Variants in CDH13 observed in about 807,000 individuals in gnomAD.
CDH13 encodes cadherin 13.
In CDH13, 24 loss-of-function variants were observed where a neutral mutation model predicts 63.8. The observed-to-expected ratio is 0.38, with a 90% CI of 0.27 to 0.53. CDH13 has a LOEUF of 0.53. Ranked by LOEUF, CDH13 falls within the 20% of genes least tolerant of loss-of-function variation. The pLI, the probability that CDH13 is intolerant of heterozygous loss-of-function variation, is 0.85. For synonymous variants in CDH13, 503 were observed against 355.3 expected (o/e 1.42, Z -4.67); for missense variants, 1,049 against 903.1 (o/e 1.16, Z -2.07).
At chr16:83,241,652 G>A (rs185849489) in intron 5 of CDH13, among the ~76,000 whole-genome samples, 4 of 152,194 alleles carry the variant, frequency 2.6e-5, no homozygotes, top group South Asian at 2.1e-4. Context: ...ATCTATTCAG[G>A]CCCCTTGCCC....
rs1450993154 is a variant in CDH13 at position 83,540,672 on chromosome 16, G to C, written c.960+54017G>C. 2.6e-5 allele frequency among the ~76,000 whole-genome samples: 4 copies of C among 152,206 alleles called. No individual in the cohort carries two copies. The East Asian group carries it at 7.7e-4, about 29-fold the overall frequency. ...AACTGTCCTAATGACATCTCAAGTAGTAACTGTTGTCATGATGGTCTCAAG... is the reference window on the plus strand; with the variant it reads ...AACTGTCCTAATGACATCTCAAGTACTAACTGTTGTCATGATGGTCTCAAG... On this transcript the variant is annotated intron_variant, in intron 7 of 13. Transcript: ENST00000567109.
chr16:83,379,426 G>A (rs989740441), intron 6 of CDH13, among the ~76,000 whole-genome samples: 10 of 152,150 alleles, frequency 6.6e-5, no homozygotes, highest in African/African-American at 2.4e-4. Context: ...TGGATGGTAA[G>A]GTTATTGAAT....
chr16:83,160,791 T>C (rs547422535), intron 4 of CDH13, among the ~76,000 whole-genome samples: 35 of 152,340 alleles, frequency 2.3e-4, no homozygotes, highest in South Asian at 1.7e-3. Flanking sequence ...ACAACAACTG[T>C]AACCATGGCA....
rs188143152 is a variant in CDH13, at chr16:82,996,259, G to C, written c.158-35751G>C. On this transcript the variant is annotated intron_variant, in intron 2 of 13. Transcript: ENST00000567109. Reference sequence around the variant, plus strand: ...AGTTGAGAAGTAATGAAAATGGTAAGAAAAAGAAAAAAAAAGAGTAAACCC... The same window carrying C: ...AGTTGAGAAGTAATGAAAATGGTAACAAAAAGAAAAAAAAAGAGTAAACCC... Among the ~76,000 whole-genome samples, 386 of 151,156 alleles carry C rather than the reference G, an allele frequency of 2.6e-3. 3 individuals carry two copies. Among genetic ancestry groups the C allele is most frequent in the African/African-American group, 8.7e-3 (358 of 41,252 alleles).
At chr16:82,897,067 A>T (rs2041296301) in intron 2 of CDH13, among the ~76,000 whole-genome samples, 1 of 152,054 alleles carries the variant, frequency 6.6e-6, no homozygotes, top group Non-Finnish European at 1.5e-5. Flanking sequence ...GGCATGAGCC[A>T]CCGTGCCCTG....
intron 6 of CDH13, among the ~76,000 whole-genome samples, chr16:83,409,966 C>T (rs562126887): frequency 3.3e-5 from 5 of 152,144 alleles, no homozygotes; most frequent in Admixed American, 6.5e-5. Flanking sequence ...TTTAAAGCCT[C>T]CTTAAGAAGG....
At chr16:83,480,647 C>T (rs995090890) in intron 6 of CDH13, among the ~76,000 whole-genome samples, 1 of 152,150 alleles carries the variant, frequency 6.6e-6, no homozygotes, top group Non-Finnish European at 1.5e-5. Context: ...GACGTGTCTA[C>T]ACCTGAAAGC....
At chr16:82,746,576 C>G (rs911628245) in intron 1 of CDH13, among the ~76,000 whole-genome samples, 1 of 151,928 alleles carries the variant, frequency 6.6e-6, no homozygotes, top group Non-Finnish European at 1.5e-5. Context: ...ACTAATTGTA[C>G]TAATTTATGA....
At chr16:83,104,626 G>C (rs768829930) in intron 3 of CDH13, among the ~76,000 whole-genome samples, 70 of 152,024 alleles carry the variant, frequency 4.6e-4, no homozygotes, top group Non-Finnish European at 7.8e-4. Flanking sequence ...GGCGGTGGCG[G>C]GGGTGGGCGG....
intron 4 of CDH13, among the ~76,000 whole-genome samples, chr16:83,210,033 C>A (rs1307842432): frequency 6.6e-6 from 1 of 151,992 alleles, no homozygotes; most frequent in Non-Finnish European, 1.5e-5. Flanking sequence ...TACCCTCTGG[C>A]AGAGGGAGCC....
At chr16:83,020,957 A>G (rs1364433416) in intron 2 of CDH13, among the ~76,000 whole-genome samples, 1 of 152,208 alleles carries the variant, frequency 6.6e-6, no homozygotes, top group Admixed American at 6.5e-5. Flanking sequence ...AGCTCTCTTC[A>G]CATTAATTTA....
At chr16:83,746,443 C>T (rs1282741829) in intron 10 of CDH13, among the ~76,000 whole-genome samples, 1 of 152,228 alleles carries the variant, frequency 6.6e-6, no homozygotes, top group African/African-American at 2.4e-5. Context: ...ATAATCTCAT[C>T]TCAAAGACCT....
At chr16:83,352,342 A>G (rs74804557) in intron 6 of CDH13, among the ~76,000 whole-genome samples, 1,534 of 152,314 alleles carry the variant, frequency 0.01, 32 homozygotes, top group African/African-American at 0.035. Flanking sequence ...TTCAAGAGGA[A>G]AGCGAATGCT....
chr16:82,715,657 G>C (rs1250792722), intron 1 of CDH13, among the ~76,000 whole-genome samples: 1 of 152,124 alleles, frequency 6.6e-6, no homozygotes, highest in African/African-American at 2.4e-5. Flanking sequence ...TCTGTGCCCT[G>C]TCAAGTGGGT....
At chr16:83,633,633 C>T (rs1910977713) in intron 8 of CDH13, among the ~76,000 whole-genome samples, 1 of 152,140 alleles carries the variant, frequency 6.6e-6, no homozygotes, top group Non-Finnish European at 1.5e-5. Flanking sequence ...ATGGTATCTT[C>T]CTGGGCTGAT....
At chr16:83,316,369 G>C (rs1438479724) in intron 5 of CDH13, among the ~76,000 whole-genome samples, 2 of 152,162 alleles carry the variant, frequency 1.3e-5, no homozygotes, top group African/African-American at 4.8e-5. Flanking sequence ...GGGGAATCTA[G>C]TTTGAACTAT....
chr16:83,311,234 A>G (rs973368709), intron 5 of CDH13, among the ~76,000 whole-genome samples: 1 of 152,150 alleles, frequency 6.6e-6, no homozygotes, highest in East Asian at 1.9e-4. Flanking sequence ...CCATTCCTCC[A>G]TGACCTCCTT....
chr16:82,769,995 C>T (rs761282310), intron 1 of CDH13, among the ~76,000 whole-genome samples: 26 of 152,140 alleles, frequency 1.7e-4, no homozygotes, highest in Non-Finnish European at 3.2e-4. Flanking sequence ...TCTAGATTTC[C>T]CTGTTCTTGA....
chr16:83,279,481 A>G (rs1233382814), intron 5 of CDH13, among the ~76,000 whole-genome samples: 1 of 152,222 alleles, frequency 6.6e-6, no homozygotes, highest in African/African-American at 2.4e-5. Context: ...CATTAAAATC[A>G]TTCAAACGCT....
Sources: allele counts gnomAD v4.1 joint callset (sites outside exome capture counted in the v4.1 genomes callset), GRCh38; gene constraint gnomAD v4.1.1; transcripts MANE v1.5; gene names NCBI Gene and HGNC (gene_info 2026-07-23, HGNC 2026-07-21).